COL6A2: variants seen among roughly 807,000 people sequenced by gnomAD.
COL6A2 encodes the protein collagen alpha-2(VI) chain.
COL6A2 carries 90 observed loss-of-function variants against 124.9 expected under a neutral mutation model. The ratio of observed to expected loss-of-function variants is 0.72; its 90% CI spans 0.61 to 0.86. COL6A2 has a LOEUF of 0.86. COL6A2 is among the 40% of genes least tolerant of loss of function. COL6A2 has a pLI of 0.00. For missense variants in COL6A2, 1,607 were observed against 1,502.5 expected, an observed-to-expected ratio of 1.07 and a Z score of -1.15; for synonymous variants, 793 against 618.2, an observed-to-expected ratio of 1.28 and a Z score of -4.19.
At chr21:46,129,248 G>A (rs1482324940) in intron 27 of COL6A2, 22 of 1,612,950 alleles carry the variant, frequency 1.4e-5, no homozygotes, top group South Asian at 2.2e-5. Context: ...GCACGGAAGA[G>A]GGGCCGGACG....
chr21:46,114,281 C>T lies in COL6A2; in HGVS notation c.801+208C>T, dbSNP rs557442030. On this transcript the variant is annotated intron_variant, in intron 5 of 27. Transcript: ENST00000300527. ...CTCTACTAAAAATACAAAAATTAGC[C>T]GGGCGTAGTGGCATGCGCCTGTAGT... 1.5e-3 allele frequency among the ~76,000 whole-genome samples: 234 copies of T among 152,102 alleles called. 1 individual carries two copies. The highest frequency in any genetic ancestry group is 2.6e-3 in the Non-Finnish European group (179 of 67,986).
chr21:46,119,549 G>A (rs1156467421), intron 14 of COL6A2, among the ~76,000 whole-genome samples: 1 of 152,208 alleles, frequency 6.6e-6, no homozygotes. Flanking sequence ...AGCCTCCCCA[G>A]ATCATTCCTA....
chr21:46,118,493 C>A, intron 12 of COL6A2, 121 bp from the exon 13 acceptor site: 1 of 892,922 alleles, frequency 1.1e-6, no homozygotes, highest in Non-Finnish European at 1.8e-6. Context: ...TCCCAGGTGC[C>A]CCGTGGACAT....
intron 22 of COL6A2, 35 bp from the exon 23 acceptor site, chr21:46,124,850 G>A: frequency 6.2e-7 from 1 of 1,612,706 alleles, no homozygotes; most frequent in Non-Finnish European, 8.5e-7. Flanking sequence ...CCCAGCCTTG[G>A]CCCCAGAGTC....
intron 1 of COL6A2, among the ~76,000 whole-genome samples, chr21:46,104,795 A>G (rs2078320213): frequency 2.0e-5 from 3 of 152,272 alleles, no homozygotes. Flanking sequence ...AGAATGATTC[A>G]TCACATGTAA....
Position 46,121,043 on chromosome 21 carries a change from T to A in COL6A2, c.1396-18T>A. 6.2e-7 allele frequency: 1 copy of A among 1,612,090 alleles called. No homozygotes were observed. Among genetic ancestry groups the A allele is most frequent in the South Asian group, 1.1e-5 (1 of 91,060 alleles). The stretch of plus-strand genomic sequence containing the variant: ...GCTGTCAGTCAAGAGAACCCCAAAT[T>A]CCTCCCCTTTCTTCCAGGGAGACCG... On this transcript the variant is annotated intron_variant, in intron 16 of 27. Transcript: ENST00000300527.
chr21:46,120,971 A>C lies in COL6A2; in HGVS notation c.1396-90A>C, dbSNP rs559803958. 315 of 1,250,308 alleles carry C rather than the reference A, an allele frequency of 2.5e-4. 3 individuals carry two copies. The East Asian group carries it at 7.3e-3, about 29-fold the overall frequency. The allele number at this position is 1,250,308 out of a possible 1,614,324, so 77.5% of individuals were successfully genotyped here. ...CGGGGCCAGACCCGTCTTACCCCCG[A>C]GGCCCTGCAGTGTCCACAGGATTGA... On this transcript the variant is annotated intron_variant, in intron 16 of 27. Coordinates refer to ENST00000300527, the MANE Select transcript of COL6A2 (RefSeq NM_001849.4).
At chr21:46,114,643 TTAA>T (rs899920220) in intron 5 of COL6A2, among the ~76,000 whole-genome samples, 3 of 152,240 alleles carry the variant, frequency 2.0e-5, no homozygotes, top group Non-Finnish European at 2.9e-5. Flanking sequence ...TGCACTACAC[TTAA>T]TAATATGATT....
At chr21:46,100,414 A>G (rs1357298612) in intron 1 of COL6A2, among the ~76,000 whole-genome samples, 1 of 152,170 alleles carries the variant, frequency 6.6e-6, no homozygotes, top group East Asian at 1.9e-4. Context: ...TATACAATAT[A>G]AAATGTACTG....
chr21:46,122,306 C>T lies in COL6A2; in HGVS notation c.1572+148C>T, dbSNP rs2070578. On this transcript the variant is annotated intron_variant, in intron 19 of 27. Coordinates refer to ENST00000300527, the MANE Select transcript of COL6A2 (RefSeq NM_001849.4). ...GCGGGACAGAGTGGTGAGAAGGCTTCGGGTGACTCAGTGAAGGATAGGTCC... is the reference window on the plus strand; with the variant it reads ...GCGGGACAGAGTGGTGAGAAGGCTTTGGGTGACTCAGTGAAGGATAGGTCC... The T allele has an allele frequency of 0.48, 576,469 of 1,208,124 alleles. 144,200 individuals are homozygous for T. Among genetic ancestry groups the T allele is most frequent in the Admixed American group, 0.61 (31,256 of 51,072 alleles). 74.8% of individuals were successfully genotyped at this position (1,208,124 alleles called of 1,614,324 possible).
Position 46,132,149 on chromosome 21 carries a change from G to A in COL6A2, c.2657G>A (p.Gly886Asp). ...GCGCTGCTGCAGTTTGGTGGCCCCGGCGAGCAGCAGGTGGCCTTCCCGCTG... is the reference window on the plus strand; with the variant it reads ...GCGCTGCTGCAGTTTGGTGGCCCCGACGAGCAGCAGGTGGCCTTCCCGCTG... ...RVALLQFGGPGEQQVAFPLSH... is the reference protein window; with the variant it reads ...RVALLQFGGPDEQQVAFPLSH... Residue 886 changes from glycine to aspartate, a missense_variant, in exon 28 of 28, where the codon GGC becomes GAC. Gly to Asp is a moderately conservative substitution (Grantham distance 94). Coordinates refer to ENST00000300527, the MANE Select transcript of COL6A2 (RefSeq NM_001849.4). 6.4e-7 allele frequency: 1 copy of A among 1,570,234 alleles called. No individual in the cohort carries two copies. Among genetic ancestry groups the A allele is most frequent in the Non-Finnish European group, 8.6e-7 (1 of 1,159,666 alleles).
chr21:46,127,448 C>A (rs1347083134), intron 27 of COL6A2, among the ~76,000 whole-genome samples: 1 of 152,144 alleles, frequency 6.6e-6, no homozygotes, highest in East Asian at 1.9e-4. Context: ...GTTCCCCATA[C>A]GTGCTGCGAC....
chr21:46,110,665 G>A (rs1297600156), intron 1 of COL6A2, among the ~76,000 whole-genome samples: 1 of 152,086 alleles, frequency 6.6e-6, no homozygotes, highest in Non-Finnish European at 1.5e-5. Flanking sequence ...ACCGAGGAGA[G>A]GGCGGCACTC....
chr21:46,128,925 C>T (rs750662074), intron 27 of COL6A2: 4 of 1,612,968 alleles, frequency 2.5e-6, no homozygotes, highest in African/African-American at 1.3e-5. Flanking sequence ...CTGTTTTGTG[C>T]TGAAAGGTTT....
chr21:46,116,150 C>T lies in COL6A2; in HGVS notation c.900+97C>T, dbSNP rs908127758. 6.1e-6 allele frequency: 8 copies of T among 1,319,416 alleles called. No homozygotes were observed. The African/African-American group carries it at 1.2e-4, about 19-fold the overall frequency. The allele number at this position is 1,319,416 out of a possible 1,614,324, so 81.7% of individuals were successfully genotyped here. On this transcript the variant is annotated intron_variant, in intron 7 of 27. Coordinates refer to ENST00000300527, the MANE Select transcript of COL6A2 (RefSeq NM_001849.4). This position sits in a 1 kb window ranked among gnomAD's most constrained non-coding sequence, Gnocchi z 4.6. ...CAGCCTCGGCCTCAGCCTCTACGAC[C>T]CTCCCCCCAGTTACCAAGGAACAGA...
At chr21:46,099,732 C>T (rs1160487793) in intron 1 of COL6A2, among the ~76,000 whole-genome samples, 1 of 152,156 alleles carries the variant, frequency 6.6e-6, no homozygotes, top group Admixed American at 6.5e-5. Context: ...CCTTCCTGGC[C>T]TGCAGTGGAG....
chr21:46,122,008 C>T (rs2078574112), intron 18 of COL6A2, 100 bp from the exon 19 acceptor site: 3 of 1,279,474 alleles, frequency 2.3e-6, no homozygotes, highest in Non-Finnish European at 3.4e-6. Context: ...CACCCCTAGC[C>T]CACTTCCACC....
At chr21:46,121,964 T>G (rs2078573426) in intron 18 of COL6A2, 144 bp from the exon 19 acceptor site, 1 of 879,204 alleles carries the variant, frequency 1.1e-6, no homozygotes, top group Non-Finnish European at 1.8e-6. Context: ...AGGTTGGCCC[T>G]GCCAGGCCTC....
rs371302136 is a variant in COL6A2, at chr21:46,129,512, C to T, written c.2462-2442C>T. ...GCTAAAGCCCGGGCACCCGCCCAGC[C>T]GGGCTGGGCCCTCCCTGCCACACTA... On this transcript the variant is annotated intron_variant, in intron 27 of 27. Transcript: ENST00000300527. The T allele has an allele frequency of 1.5e-3, 2,350 of 1,532,326 alleles. 2 individuals carry two copies. Among genetic ancestry groups the T allele is most frequent in the Non-Finnish European group, 1.9e-3 (2,123 of 1,141,894 alleles). The allele number at this position is 1,532,326 out of a possible 1,614,324, so 94.9% of individuals were successfully genotyped here.
Sources: allele counts gnomAD v4.1 joint callset (sites outside exome capture counted in the v4.1 genomes callset), GRCh38; gene constraint gnomAD v4.1.1; non-coding constraint Gnocchi (gnomAD v3.1); transcripts MANE v1.5; gene names NCBI Gene and HGNC (gene_info 2026-07-23, HGNC 2026-07-21).